Variants in CNTNAP4 observed in about 807,000 individuals in gnomAD.
CNTNAP4 encodes the protein contactin-associated protein-like 4.
Under a neutral mutation model 148.4 loss-of-function variants are expected in CNTNAP4, and 98 were observed. The observed-to-expected ratio is 0.66, with a 90% CI of 0.56 to 0.78. The LOEUF (loss-of-function observed/expected upper bound fraction) is 0.78, where lower values mean the gene tolerates loss of function less well. Ranked by LOEUF, CNTNAP4 falls within the 30% of genes least tolerant of loss-of-function variation. The probability of loss-of-function intolerance (pLI) is 0.00; values close to 1 mark genes in which losing one functional copy is unlikely to be tolerated. For missense variants in CNTNAP4, 1,935 were observed against 1,565.6 expected (o/e 1.24, Z -3.98); for synonymous variants, 730 against 565.1 (o/e 1.29, Z -4.14).
At chr16:76,394,861 C>T (rs2078141475) in intron 3 of CNTNAP4, among the ~76,000 whole-genome samples, 2 of 152,052 alleles carry the variant, frequency 1.3e-5, no homozygotes, top group South Asian at 4.2e-4. Flanking sequence ...AAGTTGAAAT[C>T]ATCCTTTTAT....
chr16:76,323,521 C>G (rs1355833779), intron 2 of CNTNAP4, among the ~76,000 whole-genome samples: 1 of 152,106 alleles, frequency 6.6e-6, no homozygotes, highest in Middle Eastern at 3.4e-3. Context: ...ATGCTGATAT[C>G]TTCTATTAAA....
chr16:76,326,906 A>G (rs1963040370), intron 2 of CNTNAP4, among the ~76,000 whole-genome samples: 1 of 152,130 alleles, frequency 6.6e-6, no homozygotes, highest in Non-Finnish European at 1.5e-5. Flanking sequence ...ATATGTAACA[A>G]ACCTGCACGT....
intron 9 of CNTNAP4, among the ~76,000 whole-genome samples, chr16:76,464,889 A>G (rs777904694): frequency 3.9e-5 from 6 of 152,192 alleles, no homozygotes; most frequent in Admixed American, 6.5e-5. Flanking sequence ...TTTATCATTT[A>G]TAAATTATAC....
intron 11 of CNTNAP4, among the ~76,000 whole-genome samples, chr16:76,476,260 T>A (rs749153911): frequency 9.9e-5 from 15 of 152,130 alleles, no homozygotes; most frequent in Non-Finnish European, 1.9e-4. Flanking sequence ...AGATGAAAGG[T>A]AGCTAAGGGT....
chr16:76,471,667 C>T (rs893535595), intron 10 of CNTNAP4, among the ~76,000 whole-genome samples: 1 of 152,102 alleles, frequency 6.6e-6, no homozygotes, highest in African/African-American at 2.4e-5. Context: ...CTCCATGGAG[C>T]CCCAAGCCTG....
In CNTNAP4 at chr16:76,280,552, T is replaced by G. The variant is rs569246524; in HGVS notation, c.85+2805T>G. ...AGTACTTATCTGTCTAAAGATGAAA[T>G]ATGTTGAATGAACCACGCTCCCTGC... On this transcript the variant is annotated intron_variant, in intron 1 of 23. Transcript: ENST00000611870. Among the ~76,000 whole-genome samples, 19 of 152,264 alleles carry G rather than the reference T, an allele frequency of 1.2e-4. 1 individual carries two copies. In the South Asian group the frequency reaches 3.9e-3, roughly 32 times the overall value.
chr16:76,543,878 C>T (rs903407427), intron 21 of CNTNAP4, among the ~76,000 whole-genome samples: 14 of 152,246 alleles, frequency 9.2e-5, no homozygotes, highest in Middle Eastern at 3.4e-3. Context: ...CTCACGTTTC[C>T]GCACTTATCA....
intron 3 of CNTNAP4, among the ~76,000 whole-genome samples, chr16:76,368,082 C>G (rs1467145203): frequency 6.6e-6 from 1 of 152,114 alleles, no homozygotes; most frequent in Non-Finnish European, 1.5e-5. Context: ...TTGGGTTGCT[C>G]AGTAATCTTG....
chr16:76,431,562 C>T (rs765570940), intron 4 of CNTNAP4, among the ~76,000 whole-genome samples: 1 of 152,134 alleles, frequency 6.6e-6, no homozygotes, highest in South Asian at 2.1e-4. Context: ...GCCTGTAATC[C>T]TAGCTACTTG....
intron 1 of CNTNAP4, among the ~76,000 whole-genome samples, chr16:76,281,020 AG>A: frequency 6.6e-6 from 1 of 152,224 alleles, no homozygotes; most frequent in East Asian, 1.9e-4. Context: ...TGACTTAATT[AG>A]AAGTTAACAT....
chr16:76,302,736 A>G (rs1960107426), intron 1 of CNTNAP4, among the ~76,000 whole-genome samples: 1 of 152,078 alleles, frequency 6.6e-6, no homozygotes. Context: ...TTCTGCCTGC[A>G]CTCGAGGGGA....
At chr16:76,541,425 T>C (rs567569885) in intron 21 of CNTNAP4, among the ~76,000 whole-genome samples, 1 of 152,330 alleles carries the variant, frequency 6.6e-6, no homozygotes, top group African/African-American at 2.4e-5. Context: ...AAGGATTAAA[T>C]TGAAAAGTAA....
At chr16:76,470,495 A>ATATATATATATATATATATT (rs546770074) in intron 10 of CNTNAP4, among the ~76,000 whole-genome samples, 2 of 133,966 alleles carry the variant, frequency 1.5e-5, no homozygotes, top group Admixed American at 7.5e-5. Flanking sequence ...ATATATATAT[A>ATATATATATATATATATATT]TAAAATTAGT....
At chr16:76,371,472 A>G (rs534162192) in intron 3 of CNTNAP4, among the ~76,000 whole-genome samples, 162 of 152,062 alleles carry the variant, frequency 1.1e-3, no homozygotes, top group African/African-American at 3.8e-3. Context: ...TTTAGTAGAA[A>G]CAGGGTTTCA....
At chr16:76,390,019 G>A (rs1350259636) in intron 3 of CNTNAP4, among the ~76,000 whole-genome samples, 2 of 152,184 alleles carry the variant, frequency 1.3e-5, no homozygotes, top group African/African-American at 4.8e-5. Flanking sequence ...TGAGCAACTG[G>A]AGCTTAGCCC....
chr16:76,518,235 C>G (rs902832291), intron 15 of CNTNAP4, among the ~76,000 whole-genome samples: 1 of 152,134 alleles, frequency 6.6e-6, no homozygotes, highest in African/African-American at 2.4e-5. Context: ...TCAAGTGATT[C>G]TCCTGCCTCA....
At chr16:76,543,316 A>T (rs1036402594) in intron 21 of CNTNAP4, among the ~76,000 whole-genome samples, 29 of 152,250 alleles carry the variant, frequency 1.9e-4, no homozygotes, top group African/African-American at 6.8e-4. Flanking sequence ...GCAACATGTT[A>T]CATAGTATAT....
At position 76,319,634 on chromosome 16, in the gene CNTNAP4, G is replaced by A. The variant is rs561803690; in HGVS notation, c.196+3111G>A. On this transcript the variant is annotated intron_variant, in intron 2 of 23. Coordinates refer to ENST00000611870, the MANE Select transcript of CNTNAP4 (RefSeq NM_033401.5). ...GGGTGGGGGGCTAAATCCAATGACT[G>A]GTGTCCTTATAAGGAGTGTGAGATT... 2.0e-4 allele frequency among the ~76,000 whole-genome samples: 31 copies of A among 152,188 alleles called. 1 individual carries two copies. The South Asian group carries it at 6.2e-3, about 31-fold the overall frequency.
intron 1 of CNTNAP4, chr16:76,309,904 A>T: frequency 1.4e-6 from 1 of 701,772 alleles, no homozygotes; most frequent in Non-Finnish European, 2.6e-6. Flanking sequence ...GCTATGTGGA[A>T]CTGTGAGTCC....
Sources: gnomAD v4.1 joint callset for allele counts (sites outside exome capture counted in the v4.1 genomes callset) on GRCh38, gnomAD v4.1.1 for gene constraint, MANE v1.5 for transcripts, NCBI Gene and HGNC (gene_info 2026-07-23, HGNC 2026-07-21) for gene names.